MIOS: variants seen among roughly 807,000 people sequenced by gnomAD.
MIOS encodes the protein meiosis regulator for oocyte development.
In MIOS, 52 loss-of-function variants were observed where a neutral mutation model predicts 96.9. That is an observed-to-expected ratio of 0.54 (90% CI 0.43 to 0.68). The LOEUF is 0.68. Among genes scored for constraint, MIOS ranks in the 30% least tolerant of loss-of-function variants. The pLI is 0.00. For missense variants in MIOS, 1,005 were observed against 1,052.8 expected (o/e 0.95, Z 0.63); for synonymous variants, 397 against 359.5 (o/e 1.10, Z -1.18).
At chr7:7,589,602 A>G (rs1455443822) in intron 9 of MIOS, 39 bp downstream of exon 9, 6 of 1,561,976 alleles carry the variant, frequency 3.8e-6, no homozygotes, top group Admixed American at 3.8e-5. Context: ...AAAAGTAACA[A>G]TATTCTATAT....
chr7:7,585,733 G>A lies in MIOS; in HGVS notation c.1746G>A (p.Gln582=), dbSNP rs1563028320. 1 of 1,612,644 alleles carries A rather than the reference G, an allele frequency of 6.2e-7. No homozygotes were observed. Among genetic ancestry groups the A allele is most frequent in the Admixed American group, 1.7e-5 (1 of 59,792 alleles). ...WREMCSTLRL[Q]LNNPYLCVMF... is the part of the protein sequence containing the mutation. ...AAATGTGTAGCACACTGCGATTACA[G>A]CTAAATAACCCGTATTTGTGTGTCA... is the stretch of plus-strand genomic sequence containing the variant. Residue 582 remains glutamine (Q), a synonymous_variant, in exon 7 of 13, where the codon CAG becomes CAA. Transcript: ENST00000340080.
chr7:7,585,847 TAGG>T, intron 7 of MIOS, 42 bp downstream of exon 7: 2 of 1,496,386 alleles, frequency 1.3e-6, no homozygotes, highest in Non-Finnish European at 1.8e-6. Context: ...TGAATTAAGA[TAGG>T]AGTTTTTATC....
intron 3 of MIOS, among the ~76,000 whole-genome samples, chr7:7,570,761 T>A (rs1783324487): frequency 1.3e-5 from 2 of 152,104 alleles, no homozygotes; most frequent in Admixed American, 1.3e-4. Context: ...ATGCTGCTAT[T>A]GATCTGACAG....
At chr7:7,596,590 A>G (rs1313256399) in intron 11 of MIOS, 129 bp downstream of exon 11, 1 of 845,236 alleles carries the variant, frequency 1.2e-6, no homozygotes, top group Admixed American at 2.6e-5. Flanking sequence ...ACTAGCTTGA[A>G]GGCTTTTATG....
At chr7:7,602,275 A>C (rs1313951915) in intron 11 of MIOS, among the ~76,000 whole-genome samples, 1 of 152,226 alleles carries the variant, frequency 6.6e-6, no homozygotes, top group African/African-American at 2.4e-5. Context: ...GAAAAGAGGA[A>C]GTCAAATTGT....
At chr7:7,594,711 C>T (rs1424165506) in intron 9 of MIOS, among the ~76,000 whole-genome samples, 1 of 152,104 alleles carries the variant, frequency 6.6e-6, no homozygotes, top group Non-Finnish European at 1.5e-5. Flanking sequence ...GTTCTATTTT[C>T]TTAAACTTAA....
At chr7:7,582,008 T>C (rs1023551732) in intron 5 of MIOS, among the ~76,000 whole-genome samples, 5 of 67,962 alleles carry the variant, frequency 7.4e-5, no homozygotes, top group Non-Finnish European at 1.4e-4. Context: ...AAGAGTGTGG[T>C]TGGCGGGGCG....
At chr7:7,603,116 C>G (rs1241717098) in intron 11 of MIOS, among the ~76,000 whole-genome samples, 6 of 152,098 alleles carry the variant, frequency 3.9e-5, no homozygotes, top group Admixed American at 3.9e-4. Context: ...CCGTAAAAAC[C>G]CTAGAAGAAA....
intron 10 of MIOS, among the ~76,000 whole-genome samples, chr7:7,595,885 T>C (rs903444289): frequency 6.6e-6 from 1 of 152,198 alleles, no homozygotes; most frequent in Non-Finnish European, 1.5e-5. Flanking sequence ...GCGTTTTCTT[T>C]ATAAGAAAAT....
intron 11 of MIOS, among the ~76,000 whole-genome samples, chr7:7,604,877 G>A (rs1426033052): frequency 6.6e-6 from 1 of 152,054 alleles, no homozygotes; most frequent in African/African-American, 2.4e-5. Flanking sequence ...GTGTAAAGTA[G>A]TGTACATATC....
intron 11 of MIOS, among the ~76,000 whole-genome samples, chr7:7,598,975 C>T (rs967558417): frequency 4.6e-5 from 7 of 151,890 alleles, no homozygotes; most frequent in Non-Finnish European, 8.8e-5. Flanking sequence ...ACTGATTTTA[C>T]TTGATACATT....
chr7:7,582,472 G>A (rs1367302301), intron 5 of MIOS, among the ~76,000 whole-genome samples: 1 of 152,166 alleles, frequency 6.6e-6, no homozygotes, highest in East Asian at 1.9e-4. Flanking sequence ...CTATGTGAAG[G>A]CAAGGGTTTG....
intron 5 of MIOS, among the ~76,000 whole-genome samples, chr7:7,577,008 C>G (rs1783556322): frequency 6.6e-6 from 1 of 152,064 alleles, no homozygotes; most frequent in Non-Finnish European, 1.5e-5. Flanking sequence ...AATCAAGATG[C>G]TTAGGTAGAG....
chr7:7,605,645 T>G, intron 11 of MIOS: 1 of 231,408 alleles, frequency 4.3e-6, no homozygotes, highest in Non-Finnish European at 8.5e-6. Context: ...CTGGGCCTGG[T>G]ATTTTCCTTG....
At position 7,568,018 on chromosome 7, in the gene MIOS, T is replaced by C. The variant is rs1041436185; in HGVS notation, c.-138-8T>C. ...TCATATGGCTCACACTGTATTTCTT[T>C]TGGACAGTGCTGTTGCAAATATTCT... On this transcript the variant is annotated splice_region_variant and splice_polypyrimidine_tract_variant and intron_variant, in intron 2 of 12. Coordinates refer to ENST00000340080, the MANE Select transcript of MIOS (RefSeq NM_019005.4). 2 of 152,246 alleles carry C rather than the reference T, an allele frequency of 1.3e-5. No individual in the cohort carries two copies. The highest frequency in any genetic ancestry group is 2.4e-5 in the African/African-American group (1 of 41,458). 9.4% of individuals were successfully genotyped at this position (152,246 alleles called of 1,614,324 possible).
rs1783374931 is a variant in MIOS, at chr7:7,572,086, T to A, written c.-40-350T>A. On this transcript the variant is annotated intron_variant, in intron 3 of 12. Coordinates refer to ENST00000340080, the MANE Select transcript of MIOS (RefSeq NM_019005.4). The surrounding 1 kb of genome is among the most constrained non-coding windows in gnomAD (Gnocchi z 4.8). The stretch of plus-strand genomic sequence containing the variant: ...ATATGATTCATAAGTTTTCCCCCCT[T>A]CAAAGGGATAATACTTATTAATTTG... Among the ~76,000 whole-genome samples the A allele has an allele frequency of 6.6e-6, 1 of 152,204 alleles. No individual in the cohort carries two copies.
At position 7,605,988 on chromosome 7, in the gene MIOS, A is replaced by G. The variant is rs199757377; in HGVS notation, c.2448A>G (p.Lys816=). 3 of 1,614,008 alleles carry G rather than the reference A, an allele frequency of 1.9e-6. No homozygotes were observed. Among genetic ancestry groups the G allele is most frequent in the Non-Finnish European group, 2.5e-6 (3 of 1,179,906 alleles). ...DEKVDLSKDK[K]LAQFNNWFTW... ...AAGTGGACTTGAGCAAGGACAAAAA[A>G]TTAGCCCAATTTAACAACTGGTTTA... Residue 816 remains lysine, a synonymous_variant, in exon 12 of 13, where the codon AAA becomes AAG. Coordinates refer to ENST00000340080, the MANE Select transcript of MIOS (RefSeq NM_019005.4).
chr7:7,569,773 G>A (rs1182957276), intron 3 of MIOS, among the ~76,000 whole-genome samples: 1 of 152,220 alleles, frequency 6.6e-6, no homozygotes, highest in African/African-American at 2.4e-5. Flanking sequence ...GATGGAGGGT[G>A]GTTGACGTCA....
chr7:7,603,978 C>T (rs28602992), intron 11 of MIOS, among the ~76,000 whole-genome samples: 1,947 of 151,612 alleles, frequency 0.013, 48 homozygotes, highest in African/African-American at 0.044. Context: ...ATCCAAACAC[C>T]GCATGTTCTC....
Sources: gnomAD v4.1 joint callset for allele counts (sites outside exome capture counted in the v4.1 genomes callset) on GRCh38, gnomAD v4.1.1 for gene constraint, Gnocchi (gnomAD v3.1) non-coding constraint, MANE v1.5 for transcripts, NCBI Gene and HGNC (gene_info 2026-07-23, HGNC 2026-07-21) for gene names.